KMO: variants seen among roughly 807,000 people sequenced by gnomAD.
KMO encodes the protein kynurenine 3-monooxygenase.
Under a neutral mutation model 57.8 loss-of-function variants are expected in KMO, and 24 were observed. That is an observed-to-expected ratio of 0.42 (90% confidence interval 0.30 to 0.58). The LOEUF is 0.58. Among genes scored for constraint, KMO ranks in the 20% least tolerant of loss-of-function variants. The pLI is 0.22. For synonymous variants in KMO, 210 were observed against 193.6 expected (o/e 1.08, Z -0.70); for missense variants, 483 against 588.2 (o/e 0.82, Z 1.85).
rs558112069 is a variant in KMO, at chr1:241,571,017, A to G, written c.957+2370A>G. 4.9e-3 allele frequency among the ~76,000 whole-genome samples: 746 copies of G among 152,044 alleles called. 6 individuals carry two copies. Among genetic ancestry groups the G allele is most frequent in the South Asian group, 0.011 (55 of 4,822 alleles). The stretch of plus-strand genomic sequence containing the variant: ...TTTCACTTCTCTGGTTAATTCCCAG[A>G]TATCTTACTTTATTTGTAATTATTG... On this transcript the variant is annotated intron_variant, in intron 10 of 14. Coordinates refer to ENST00000366559, the MANE Select transcript of KMO (RefSeq NM_003679.5).
Position 241,549,749 on chromosome 1 carries a change from T to C in KMO, c.197T>C (p.Leu66Ser). 6.2e-7 allele frequency: 1 copy of C among 1,612,016 alleles called. No homozygotes were observed. The highest frequency in any genetic ancestry group is 8.5e-7 in the Non-Finnish European group (1 of 1,178,346). Residue 66 changes from leucine (L) to serine (S), a missense_variant, in exon 3 of 15, where the codon TTG becomes TCG. This residue lies in a region of KMO where 70 missense variants were observed against 78.4 expected (regional missense o/e 0.89). Transcript: ENST00000366559. ...LALSHRGRQALKAVGLEDQIV... is the reference protein window; with the variant it reads ...LALSHRGRQASKAVGLEDQIV... ...CTTTCTCATAGAGGACGACAAGCCT[T>C]GAAAGCTGTTGGCCTGGAAGATCAG...
Position 241,592,782 on chromosome 1 carries a change from C to CTATCTATCTATCTATCTA in KMO, c.*646_*647insATATCTATCTATCTATCT, listed in dbSNP as rs35333190. ...TCTATCTATCTATCTATCTATCTAT[C>CTATCTATCTATCTATCTA]TATCTATCTATCTATCTCTATTTAT... is the stretch of plus-strand genomic sequence containing the variant. On this transcript the variant is annotated 3_prime_UTR_variant, in exon 15 of 15. Coordinates refer to ENST00000366559, the MANE Select transcript of KMO (RefSeq NM_003679.5). The CTATCTATCTATCTATCTA allele has an allele frequency of 0.047, 7,131 of 152,590 alleles. 243 individuals are homozygous for CTATCTATCTATCTATCTA. The highest frequency in any genetic ancestry group is 0.077 in the East Asian group (394 of 5,114). The allele number at this position is 152,590 out of a possible 1,614,324, so 9.5% of individuals were successfully genotyped here.
chr1:241,548,024 C>T (rs2050505), intron 1 of KMO, among the ~76,000 whole-genome samples: 49,593 of 151,678 alleles, frequency 0.33, 10,003 homozygotes, highest in Non-Finnish European at 0.45. Flanking sequence ...CTTAAGTTTA[C>T]ATGTAACCAT....
At chr1:241,552,037 G>A (rs78297962) in intron 4 of KMO, among the ~76,000 whole-genome samples, 19,307 of 152,054 alleles carry the variant, frequency 0.13, 1,433 homozygotes, top group Middle Eastern at 0.2. Flanking sequence ...AGCCGCCCCC[G>A]CTTCAGAGAC....
At chr1:241,549,894 C>T (rs1313923301) in intron 3 of KMO, 120 bp downstream of exon 3, 1 of 700,826 alleles carries the variant, frequency 1.4e-6, no homozygotes, top group Non-Finnish European at 2.4e-6. Context: ...CATGAAAACT[C>T]ATTCTACTAA....
chr1:241,575,600 T>C (rs911403730), intron 10 of KMO, among the ~76,000 whole-genome samples: 1 of 152,180 alleles, frequency 6.6e-6, no homozygotes, highest in South Asian at 2.1e-4. Flanking sequence ...GGAATTAATC[T>C]TGAGTTTAAT....
Position 241,562,241 on chromosome 1 carries a change from C to T in KMO, c.524C>T (p.Ser175Phe). The change falls in exon 7 of 15, where the codon TCT (serine) becomes TTT (phenylalanine). Residue 175 changes from serine to phenylalanine, a missense_variant. Around this residue, in one of 3 missense-constraint regions of KMO, gnomAD observed 410 missense variants for 492.3 expected, o/e 0.83. Transcript: ENST00000366559. ...GCDGAYSTVR[S>F]HLMKKPRFDY... Reference sequence around the variant, plus strand: ...GATGGAGCCTATTCAACTGTCAGATCTCACCTGATGAAGAAACCTCGCTTT... The same window carrying T: ...GATGGAGCCTATTCAACTGTCAGATTTCACCTGATGAAGAAACCTCGCTTT... 1 of 1,614,142 alleles carries T rather than the reference C, an allele frequency of 6.2e-7. No homozygotes were observed. Among genetic ancestry groups the T allele is most frequent in the Non-Finnish European group, 8.5e-7 (1 of 1,179,982 alleles).
At chr1:241,535,958 C>A (rs988975774) in intron 1 of KMO, among the ~76,000 whole-genome samples, 3 of 152,168 alleles carry the variant, frequency 2.0e-5, no homozygotes, top group African/African-American at 7.2e-5. Context: ...CTTCGTAGAT[C>A]TAAAGATTAT....
At chr1:241,557,553 G>A (rs1211955205) in intron 5 of KMO, among the ~76,000 whole-genome samples, 1 of 152,188 alleles carries the variant, frequency 6.6e-6, no homozygotes, top group African/African-American at 2.4e-5. Context: ...AAGAAAGAGG[G>A]TTTAGTATTA....
chr1:241,562,078 TG>T (rs1258078196), intron 6 of KMO, 88 bp from the exon 7 acceptor site: 5 of 1,059,026 alleles, frequency 4.7e-6, no homozygotes, highest in Middle Eastern at 5.7e-4. Flanking sequence ...AAGTTATCTA[TG>T]GAGCCACTAC....
intron 5 of KMO, 131 bp downstream of exon 5, chr1:241,555,791 C>T (rs765168747): frequency 9.3e-5 from 49 of 525,482 alleles, no homozygotes; most frequent in Non-Finnish European, 1.4e-4. Context: ...ATGTACACTA[C>T]AAAGTCCTTC....
intron 2 of KMO, among the ~76,000 whole-genome samples, chr1:241,549,260 A>AGTAAGTCG (rs780673892): frequency 0.036 from 4,990 of 139,106 alleles, 418 homozygotes; most frequent in East Asian, 0.06. Flanking sequence ...AAAGAAAGAA[A>AGTAAGTCG]GAAAGAAAGG....
chr1:241,567,625 A>G (rs1662132248), intron 9 of KMO, among the ~76,000 whole-genome samples: 1 of 152,208 alleles, frequency 6.6e-6, no homozygotes, highest in Non-Finnish European at 1.5e-5. Context: ...ATGGGTATCT[A>G]CCATGGGGCA....
chr1:241,577,213 T>C (rs1406362723), intron 10 of KMO, among the ~76,000 whole-genome samples: 5 of 152,144 alleles, frequency 3.3e-5, no homozygotes, highest in Non-Finnish European at 7.4e-5. Context: ...TAATAATGTT[T>C]TGACATCTTT....
At chr1:241,574,436 A>C (rs775559066) in intron 10 of KMO, among the ~76,000 whole-genome samples, 8 of 151,888 alleles carry the variant, frequency 5.3e-5, no homozygotes, top group Non-Finnish European at 1.2e-4. Flanking sequence ...TTTTGAGGTT[A>C]GTCCCTTCTA....
At chr1:241,561,485 T>A (rs554265365) in intron 6 of KMO, among the ~76,000 whole-genome samples, 1 of 152,318 alleles carries the variant, frequency 6.6e-6, no homozygotes, top group South Asian at 2.1e-4. Context: ...CTTCAGAGTC[T>A]GTCTTCCTCC....
In KMO at chr1:241,594,613, C is replaced by T. The variant is rs1663440990; in HGVS notation, c.*2460C>T. 1 of 1,614,124 alleles carries T rather than the reference C, an allele frequency of 6.2e-7. No individual in the cohort carries two copies. The highest frequency in any genetic ancestry group is 8.5e-7 in the Non-Finnish European group (1 of 1,180,000). On this transcript the variant is annotated 3_prime_UTR_variant, in exon 15 of 15. Transcript: ENST00000366559. ...ATGGGTCTGATCTGCATTTCACTTCCAGCTGCTGGTAGGTCTTTAGCAGGC... is the reference window on the plus strand; with the variant it reads ...ATGGGTCTGATCTGCATTTCACTTCTAGCTGCTGGTAGGTCTTTAGCAGGC...
At chr1:241,544,362 C>T (rs1661067564) in intron 1 of KMO, among the ~76,000 whole-genome samples, 1 of 152,212 alleles carries the variant, frequency 6.6e-6, no homozygotes, top group Non-Finnish European at 1.5e-5. Context: ...CATTCCAACT[C>T]TCACGACCTG....
In KMO at chr1:241,595,418, C is replaced by T. The variant is rs1156629820; in HGVS notation, c.*3265C>T. 6.6e-6 allele frequency: 1 copy of T among 152,182 alleles called. No homozygotes were observed. The highest frequency in any genetic ancestry group is 2.4e-5 in the African/African-American group (1 of 41,426). The allele number at this position is 152,182 out of a possible 1,614,324, so 9.4% of individuals were successfully genotyped here. A position where few individuals can be genotyped will look rare whatever the true frequency, so the allele number is the denominator to read the frequency against. ...TAGGACAGATCCCATCTCCTCCACC[C>T]AATACATTATTAGACTGAACTGTGA... On this transcript the variant is annotated 3_prime_UTR_variant, in exon 15 of 15. Coordinates refer to ENST00000366559, the MANE Select transcript of KMO (RefSeq NM_003679.5).
Sources: gnomAD v4.1 joint callset for allele counts (sites outside exome capture counted in the v4.1 genomes callset) on GRCh38, gnomAD v4.1.1 for gene constraint, gnomAD v4.1.1 regional missense constraint, MANE v1.5 for transcripts, NCBI Gene and HGNC (gene_info 2026-07-23, HGNC 2026-07-21) for gene names.